The following TNN variants were observed in gnomAD, a reference collection of about 807,000 sequenced individuals.
TNN encodes the protein tenascin N, also known as tenascin-N.
TNN carries 122 observed loss-of-function variants against 134.4 expected under a neutral mutation model. The observed-to-expected ratio is 0.91, with a 90% confidence interval of 0.78 to 1.06. TNN has a LOEUF of 1.06. TNN is among the 50% of genes least tolerant of loss of function. The probability of loss-of-function intolerance (pLI) is 0.00; values close to 1 mark genes in which losing one functional copy is unlikely to be tolerated. For missense variants in TNN, 1,739 were observed against 1,699.4 expected (o/e 1.02, Z -0.41); for synonymous variants, 710 against 670.3 (o/e 1.06, Z -0.91).
intron 17 of TNN, among the ~76,000 whole-genome samples, chr1:175,142,710 C>T (rs1252017241): frequency 1.3e-5 from 2 of 152,110 alleles, no homozygotes; most frequent in Non-Finnish European, 2.9e-5. Flanking sequence ...CTCCACCTCC[C>T]GGATTCAAGC....
chr1:175,143,839 G>A (rs1045005926), intron 17 of TNN, among the ~76,000 whole-genome samples: 12 of 152,328 alleles, frequency 7.9e-5, no homozygotes, highest in African/African-American at 2.6e-4. Flanking sequence ...GGGCTGGCAG[G>A]CAAGAAGCCA....
intron 9 of TNN, among the ~76,000 whole-genome samples, chr1:175,103,942 CA>C (rs1220803373): frequency 6.9e-6 from 1 of 145,602 alleles, no homozygotes; most frequent in Non-Finnish European, 1.5e-5. Flanking sequence ...ATTGTCCTTC[CA>C]ATGCCCAGAC....
rs141767103 is a variant in TNN at position 175,097,431 on chromosome 1, G to T, written c.1603G>T (p.Ala535Ser). ...TNALTEIDSP[A>S]NLVTDRVTEN... ...CTCTCTTAAAGAAATTGACAGCCCAGCAAACCTGGTGACTGACCGGGTGAC... is the reference window on the plus strand; with the variant it reads ...CTCTCTTAAAGAAATTGACAGCCCATCAAACCTGGTGACTGACCGGGTGAC... Residue 535 changes from alanine to serine, a missense_variant, in exon 8 of 19, where the codon GCA becomes TCA. Coordinates refer to ENST00000239462, the MANE Select transcript of TNN (RefSeq NM_022093.2). 1.4e-5 allele frequency: 23 copies of T among 1,614,082 alleles called. No individual in the cohort carries two copies. In the African/African-American group the frequency reaches 2.4e-4, roughly 17 times the overall value.
chr1:175,081,151 G>T (rs2149427665), intron 4 of TNN, among the ~76,000 whole-genome samples: 1 of 152,354 alleles, frequency 6.6e-6, no homozygotes, highest in East Asian at 1.9e-4. Context: ...TCAATTCACA[G>T]AGATCACAGC....
intron 9 of TNN, among the ~76,000 whole-genome samples, chr1:175,114,551 G>A (rs1366612586): frequency 6.6e-6 from 1 of 152,192 alleles, no homozygotes; most frequent in African/African-American, 2.4e-5. Context: ...TGTGGGGCAA[G>A]GTCTTACTTA....
In TNN at chr1:175,125,832, T is replaced by C. The variant is rs1675513680; in HGVS notation, c.2915-1123T>C. ...TTCCCTCCCTCCCTCCTTTCTTTCT[T>C]TCTTTTTTCTTTTTCTTTCTTTCTT... On this transcript the variant is annotated intron_variant, in intron 12 of 18. Transcript: ENST00000239462. Among the ~76,000 whole-genome samples, 4 of 3,606 alleles carry C rather than the reference T, an allele frequency of 1.1e-3. No homozygotes were observed. The Admixed American group carries it at 0.013, about 12-fold the overall frequency. The allele number at this position is 3,606 out of a possible 152,430, so 2.4% of individuals were successfully genotyped here.
chr1:175,139,808 T>C (rs548784714), intron 17 of TNN, among the ~76,000 whole-genome samples: 3 of 152,370 alleles, frequency 2.0e-5, no homozygotes, highest in East Asian at 3.9e-4. Flanking sequence ...AGTGATGCAT[T>C]GGTCTGCAAC....
chr1:175,096,828 A>G (rs570728341), intron 7 of TNN, among the ~76,000 whole-genome samples: 8 of 152,334 alleles, frequency 5.3e-5, no homozygotes, highest in Non-Finnish European at 8.8e-5. Flanking sequence ...GCCACCAGGA[A>G]GAGATGGAGC....
Position 175,080,353 on chromosome 1 carries a change from C to A in TNN, c.975C>A (p.Thr325=). 6.2e-7 allele frequency: 1 copy of A among 1,614,088 alleles called. No individual in the cohort carries two copies. Among genetic ancestry groups the A allele is most frequent in the South Asian group, 1.1e-5 (1 of 91,078 alleles). ...AGATTCTTGGTTTGCTGCCTGGAAC[C>A]AAGTACATAGTCACCCTGCGTAACG... ...SYEILGLLPG[T]KYIVTLRNVK... Residue 325 remains threonine, a synonymous_variant, in exon 4 of 19, where the codon ACC becomes ACA. Transcript: ENST00000239462.
At position 175,114,668 on chromosome 1, in the gene TNN, T is replaced by C. The variant is rs139179123; in HGVS notation, c.2120-2271T>C. Reference sequence around the variant, plus strand: ...GCCTATAGTGCCTAGCAGCTTGGCTTCAGGGGGTCAGTTTGTAACTGTAAT... The same window carrying C: ...GCCTATAGTGCCTAGCAGCTTGGCTCCAGGGGGTCAGTTTGTAACTGTAAT... On this transcript the variant is annotated intron_variant, in intron 9 of 18. Coordinates refer to ENST00000239462, the MANE Select transcript of TNN (RefSeq NM_022093.2). Among the ~76,000 whole-genome samples the C allele has an allele frequency of 1.3e-3, 194 of 152,294 alleles. 1 individual carries two copies. Among genetic ancestry groups the C allele is most frequent in the Non-Finnish European group, 1.8e-3 (124 of 68,020 alleles).
chr1:175,126,937 C>G lies in TNN; in HGVS notation c.2915-18C>G, dbSNP rs1200431474. 6.3e-7 allele frequency: 1 copy of G among 1,596,570 alleles called. No homozygotes were observed. The highest frequency in any genetic ancestry group is 8.5e-7 in the Non-Finnish European group (1 of 1,174,388). On this transcript the variant is annotated intron_variant, in intron 12 of 18. Transcript: ENST00000239462. ...GTTGTATCTTAGTAATAACAATTAC[C>G]TGACTTTCTACGTACAGAACTCGAC...
At chr1:175,111,139 G>A (rs1252987661) in intron 9 of TNN, among the ~76,000 whole-genome samples, 1 of 152,160 alleles carries the variant, frequency 6.6e-6, no homozygotes, top group East Asian at 1.9e-4. Flanking sequence ...CCAACACGGT[G>A]AAACTCCGTC....
In TNN at chr1:175,117,061, G is replaced by A. The variant is rs776764321; in HGVS notation, c.2242G>A (p.Gly748Arg). The change falls in exon 10 of 19, where the codon GGA (glycine) becomes AGA (arginine). Residue 748 changes from glycine to arginine, a missense_variant. By Grantham distance (125) the Gly-to-Arg change is moderately radical (BLOSUM62 -2). Coordinates refer to ENST00000239462, the MANE Select transcript of TNN (RefSeq NM_022093.2). ...YVVRYTSAKD[G>R]ETREVPVGKE... is the part of the protein sequence containing the mutation. ...GGTGCGCTACACCTCTGCCAAGGAC[G>A]GAGAGACCAGGGAGGTTCCGGTGGG... is the stretch of plus-strand genomic sequence containing the variant. 6.2e-6 allele frequency: 10 copies of A among 1,614,244 alleles called. No homozygotes were observed. The Admixed American group carries it at 8.3e-5, about 13-fold the overall frequency.
chr1:175,127,009 T>C lies in TNN; in HGVS notation c.2969T>C (p.Ile990Thr). 6.2e-7 allele frequency: 1 copy of C among 1,614,172 alleles called. No homozygotes were observed. Among genetic ancestry groups the C allele is most frequent in the South Asian group, 1.1e-5 (1 of 91,078 alleles). The change falls in exon 13 of 19, where the codon ATA (isoleucine) becomes ACA (threonine). Residue 990 changes from isoleucine (I) to threonine (T), a missense_variant. Physicochemically the swap from Ile to Thr is moderately conservative, Grantham distance 89. Transcript: ENST00000239462. ...RPSAVTQSGG[I>T]LTWTPPSAQI... ...TCTGCTGTAACGCAGTCTGGTGGCATATTGACCTGGACGCCCCCCTCTGCT... is the reference window on the plus strand; with the variant it reads ...TCTGCTGTAACGCAGTCTGGTGGCACATTGACCTGGACGCCCCCCTCTGCT...
At position 175,098,387 on chromosome 1, in the gene TNN, G is replaced by C. The variant is rs780062151; in HGVS notation, c.1911G>C (p.Thr637=). The part of the protein sequence containing the change: ...VTDRVTENMA[T]VSWDPVQAAI... ...ACCGGGTGACAGAGAATATGGCCAC[G>C]GTCTCCTGGGACCCGGTGCAGGCCG... is the stretch of plus-strand genomic sequence containing the variant. The change falls in exon 9 of 19, where the codon ACG becomes ACC. Residue 637 remains threonine, a synonymous_variant. Transcript: ENST00000239462. 3 of 1,614,142 alleles carry C rather than the reference G, an allele frequency of 1.9e-6. No homozygotes were observed. Among genetic ancestry groups the C allele is most frequent in the Non-Finnish European group, 2.5e-6 (3 of 1,180,028 alleles).
Position 175,097,552 on chromosome 1 carries a change from A to T in TNN, c.1724A>T (p.Glu575Val), listed in dbSNP as rs1156442416. Residue 575 changes from glutamate (E) to valine (V), a missense_variant, in exon 8 of 19, where the codon GAG becomes GTG. Glu to Val is a moderately radical substitution (Grantham distance 121). Transcript: ENST00000239462. ...YTSADDQETR[E>V]VLVGKEQSST... ...TCTGCTGACGACCAAGAGACCAGAG[A>T]GGTTCTGGTGGGGAAGGAGCAGAGC... 1 of 1,614,190 alleles carries T rather than the reference A, an allele frequency of 6.2e-7. No individual in the cohort carries two copies. The highest frequency in any genetic ancestry group is 1.1e-5 in the South Asian group (1 of 91,074).
At chr1:175,101,394 A>C (rs1449026043) in intron 9 of TNN, among the ~76,000 whole-genome samples, 1 of 151,228 alleles carries the variant, frequency 6.6e-6, no homozygotes, top group Non-Finnish European at 1.5e-5. Flanking sequence ...TACAGCTCAT[A>C]AAAGCAGCGT....
Position 175,116,927 on chromosome 1 carries a change from T to A in TNN, c.2120-12T>A, listed in dbSNP as rs754049662. On this transcript the variant is annotated splice_polypyrimidine_tract_variant and intron_variant, in intron 9 of 18. Transcript: ENST00000239462. ...TTCATAGTGTTCATTGATCAGCAATTTTTTTTTTCAGACATTGACAGCCCC... is the reference window on the plus strand; with the variant it reads ...TTCATAGTGTTCATTGATCAGCAATATTTTTTTTCAGACATTGACAGCCCC... 3.1e-6 allele frequency: 5 copies of A among 1,613,598 alleles called. No individual in the cohort carries two copies. In the South Asian group the frequency reaches 4.4e-5, roughly 14 times the overall value.
intron 5 of TNN, among the ~76,000 whole-genome samples, chr1:175,085,121 G>A (rs925007120): frequency 5.3e-5 from 8 of 152,244 alleles, no homozygotes; most frequent in African/African-American, 1.9e-4. Context: ...TAAGTGCTAG[G>A]TGGCCCAGTG....
Sources: gnomAD v4.1 joint callset for allele counts (sites outside exome capture counted in the v4.1 genomes callset) on GRCh38, gnomAD v4.1.1 for gene constraint, MANE v1.5 for transcripts, NCBI Gene and HGNC (gene_info 2026-07-23, HGNC 2026-07-21) for gene names.